Variants in SIK2 observed in about 807,000 individuals in gnomAD.
SIK2 encodes salt inducible kinase 2, also known as serine/threonine-protein kinase SIK2.
Under a neutral mutation model 103.2 loss-of-function variants are expected in SIK2, and 29 were observed. The ratio of observed to expected loss-of-function variants is 0.28; its 90% confidence interval spans 0.21 to 0.38. The LOEUF (loss-of-function observed/expected upper bound fraction) is 0.38. SIK2 is among the 10% of genes least tolerant of loss of function. The pLI is 1.00. For missense variants in SIK2, 879 were observed against 1,171.0 expected, an observed-to-expected ratio of 0.75 and a Z score of 3.64; for synonymous variants, 412 against 446.1, an observed-to-expected ratio of 0.92 and a Z score of 0.96.
chr11:111,614,573 G>A (rs1243099216), intron 1 of SIK2, among the ~76,000 whole-genome samples: 1 of 152,206 alleles, frequency 6.6e-6, no homozygotes, highest in African/African-American at 2.4e-5. Context: ...ATTAAGTGAA[G>A]TGGATCATAA....
intron 9 of SIK2, among the ~76,000 whole-genome samples, chr11:111,718,395 C>T (rs950731269): frequency 5.3e-5 from 8 of 152,168 alleles, no homozygotes; most frequent in Non-Finnish European, 1.2e-4. Context: ...GGCCAGGTTT[C>T]AGAGTTTTGC....
Position 111,703,261 on chromosome 11 carries a change from A to T in SIK2, c.786A>T (p.Ile262=), listed in dbSNP as rs1464516355. 1 of 1,614,066 alleles carries T rather than the reference A, an allele frequency of 6.2e-7. No homozygotes were observed. Residue 262 remains isoleucine, a synonymous_variant, in exon 7 of 15, where the codon ATA becomes ATT. Transcript: ENST00000304987. ...TAGACCCATCCAAACGGCTAACCAT[A>T]GCCCAAATCAAGGAGCATAAATGGA... ...LVLDPSKRLT[I]AQIKEHKWML...
intron 3 of SIK2, among the ~76,000 whole-genome samples, chr11:111,624,998 G>C (rs1196141615): frequency 6.6e-6 from 1 of 152,080 alleles, no homozygotes; most frequent in Non-Finnish European, 1.5e-5. Context: ...TGTGTCCAAG[G>C]GGTAACAGGG....
chr11:111,602,786 C>G lies in SIK2; in HGVS notation c.135+88C>G, dbSNP rs1056581568. On this transcript the variant is annotated intron_variant, in intron 1 of 14. Coordinates refer to ENST00000304987, the MANE Select transcript of SIK2 (RefSeq NM_015191.3). The surrounding 1 kb of genome is among the most constrained non-coding windows in gnomAD (Gnocchi z 4.5). Reference sequence around the variant, plus strand: ...AGAGGGGCGGCCGCAGTGGTGGGACCGGGGAGACCCGAGAGGCCGCCTCAC... The same window carrying G: ...AGAGGGGCGGCCGCAGTGGTGGGACGGGGGAGACCCGAGAGGCCGCCTCAC... 3 of 1,393,148 alleles carry G rather than the reference C, an allele frequency of 2.2e-6. No individual in the cohort carries two copies. The highest frequency in any genetic ancestry group is 3.0e-5 in the African/African-American group (2 of 65,684). 86.3% of individuals were successfully genotyped at this position (1,393,148 alleles called of 1,614,324 possible).
chr11:111,721,197 C>T (rs1189936664), intron 12 of SIK2, 135 bp downstream of exon 12: 2 of 1,124,058 alleles, frequency 1.8e-6, no homozygotes, highest in Non-Finnish European at 2.5e-6. Flanking sequence ...CCCACAGCTT[C>T]TTTGCCTTGT....
chr11:111,604,871 T>C (rs766803303), intron 1 of SIK2, among the ~76,000 whole-genome samples: 4 of 152,044 alleles, frequency 2.6e-5, no homozygotes, highest in Non-Finnish European at 4.4e-5. Flanking sequence ...ATTGGAGATA[T>C]TAAGGTAGAG....
At chr11:111,687,648 C>T (rs907882936) in intron 3 of SIK2, among the ~76,000 whole-genome samples, 2 of 138,980 alleles carry the variant, frequency 1.4e-5, no homozygotes, top group Non-Finnish European at 1.5e-5. Flanking sequence ...CACTCTCGTC[C>T]AGGCTGGAGG....
intron 1 of SIK2, among the ~76,000 whole-genome samples, chr11:111,603,159 C>T (rs1289229343): frequency 6.6e-6 from 1 of 152,066 alleles, no homozygotes; most frequent in South Asian, 2.1e-4. Flanking sequence ...CGCTTGGGCT[C>T]CGCGGATGGG....
chr11:111,680,845 TGCAGACTGAAA>T (rs1229089807), intron 3 of SIK2, among the ~76,000 whole-genome samples: 1 of 152,274 alleles, frequency 6.6e-6, no homozygotes, highest in Non-Finnish European at 1.5e-5. Context: ...TATCTATAAG[TGCAGACTGAAA>T]GCATTGATTA....
chr11:111,637,271 A>G (rs1005667982), intron 3 of SIK2, among the ~76,000 whole-genome samples: 1 of 151,666 alleles, frequency 6.6e-6, no homozygotes, highest in Non-Finnish European at 1.5e-5. Context: ...TATTTCTTTT[A>G]AAATAACACT....
At chr11:111,710,833 T>C (rs1943474685) in intron 8 of SIK2, among the ~76,000 whole-genome samples, 1 of 152,220 alleles carries the variant, frequency 6.6e-6, no homozygotes, top group Non-Finnish European at 1.5e-5. Context: ...GAGGAGAAGC[T>C]AGAATCTCAT....
At chr11:111,698,366 C>T (rs1943128455) in intron 4 of SIK2, among the ~76,000 whole-genome samples, 1 of 152,176 alleles carries the variant, frequency 6.6e-6, no homozygotes, top group Non-Finnish European at 1.5e-5. Context: ...AGGCCTCTGT[C>T]CCATTCACTC....
intron 3 of SIK2, among the ~76,000 whole-genome samples, chr11:111,648,373 GACCCACTTTCTCAGATGGC>G (rs1294929816): frequency 1.3e-5 from 2 of 152,044 alleles, no homozygotes; most frequent in Non-Finnish European, 2.9e-5. Context: ...GTCTGGTAAG[GACCCACTTTCTCAGATGGC>G]ACCTTCTCAC....
chr11:111,696,228 G>A (rs1228412869), intron 4 of SIK2, among the ~76,000 whole-genome samples: 1 of 152,158 alleles, frequency 6.6e-6, no homozygotes, highest in Non-Finnish European at 1.5e-5. Context: ...AATGCAATGT[G>A]GAATCCCTGA....
intron 3 of SIK2, among the ~76,000 whole-genome samples, chr11:111,637,194 A>G (rs942118832): frequency 1.3e-5 from 2 of 151,198 alleles, no homozygotes; most frequent in Non-Finnish European, 3.0e-5. Flanking sequence ...GATTTCATAA[A>G]CTTTATCTTT....
At chr11:111,623,609 G>A (rs1448273025) in intron 3 of SIK2, among the ~76,000 whole-genome samples, 1 of 152,180 alleles carries the variant, frequency 6.6e-6, no homozygotes, top group African/African-American at 2.4e-5. Flanking sequence ...TCCCACTTCT[G>A]AGTACTCTAC....
At chr11:111,668,096 G>T (rs1314470872) in intron 3 of SIK2, among the ~76,000 whole-genome samples, 2 of 152,170 alleles carry the variant, frequency 1.3e-5, no homozygotes, top group Admixed American at 1.3e-4. Context: ...AATTCTTACA[G>T]TGAGGAGGGT....
rs1944008808 is a variant in SIK2, at chr11:111,727,407, A to C, written c.*3278A>C. Reference sequence around the variant, plus strand: ...CCCAAGTGTTTAAACCGTATGCTGGAGTCAGTGGTTGGGACAGACAGGAGC... The same window carrying C: ...CCCAAGTGTTTAAACCGTATGCTGGCGTCAGTGGTTGGGACAGACAGGAGC... On this transcript the variant is annotated 3_prime_UTR_variant, in exon 15 of 15. Coordinates refer to ENST00000304987, the MANE Select transcript of SIK2 (RefSeq NM_015191.3). The C allele has an allele frequency of 3.5e-6, 1 of 289,460 alleles. No individual in the cohort carries two copies. Among genetic ancestry groups the C allele is most frequent in the South Asian group, 7.0e-5 (1 of 14,242 alleles). The allele number at this position is 289,460 out of a possible 1,614,324, so 17.9% of individuals were successfully genotyped here.
At chr11:111,707,320 T>C (rs998651228) in intron 8 of SIK2, among the ~76,000 whole-genome samples, 1 of 152,228 alleles carries the variant, frequency 6.6e-6, no homozygotes, top group Non-Finnish European at 1.5e-5. Flanking sequence ...GTACACGATA[T>C]CCTTTCATGT....
Sources: allele counts gnomAD v4.1 joint callset (sites outside exome capture counted in the v4.1 genomes callset), GRCh38; gene constraint gnomAD v4.1.1; non-coding constraint Gnocchi (gnomAD v3.1); transcripts MANE v1.5; gene names NCBI Gene and HGNC (gene_info 2026-07-23, HGNC 2026-07-21).